The following ZBTB8B variants were observed in gnomAD, a reference collection of about 807,000 sequenced individuals.
The protein encoded by ZBTB8B is zinc finger and BTB domain containing 8B.
In ZBTB8B, 17 loss-of-function variants were observed where a neutral mutation model predicts 30.3. The ratio of observed to expected loss-of-function variants is 0.56; its 90% CI spans 0.38 to 0.84. The LOEUF (loss-of-function observed/expected upper bound fraction) is 0.84. Ranked by LOEUF, ZBTB8B falls within the 40% of genes least tolerant of loss-of-function variation. The pLI, the probability that ZBTB8B is intolerant of heterozygous loss-of-function variation, is 0.00. For synonymous variants in ZBTB8B, 248 were observed against 255.6 expected (o/e 0.97, Z 0.28); for missense variants, 515 against 644.9 (o/e 0.80, Z 2.18).
chr1:32,474,233 G>T (rs939890109), intron 2 of ZBTB8B, among the ~76,000 whole-genome samples: 3 of 150,924 alleles, frequency 2.0e-5, no homozygotes, highest in African/African-American at 7.3e-5. Flanking sequence ...ATGGCCAGGT[G>T]CAGTGGCTCA....
At chr1:32,470,223 G>T (rs193223981) in intron 1 of ZBTB8B, among the ~76,000 whole-genome samples, 98 of 152,170 alleles carry the variant, frequency 6.4e-4, no homozygotes, top group African/African-American at 2.2e-3. Context: ...CTTATTGGCC[G>T]GGCGTGGTGG....
intron 1 of ZBTB8B, among the ~76,000 whole-genome samples, chr1:32,468,273 T>C (rs1643588626): frequency 6.6e-6 from 1 of 152,168 alleles, no homozygotes; most frequent in African/African-American, 2.4e-5. Flanking sequence ...TCATCTTTGT[T>C]AGGCTGACTT....
chr1:32,467,776 G>T (rs1458950482), intron 1 of ZBTB8B, among the ~76,000 whole-genome samples: 2 of 152,050 alleles, frequency 1.3e-5, no homozygotes, highest in Non-Finnish European at 2.9e-5. Context: ...CAAGGGTAGT[G>T]GAATCAGTCA....
Position 32,484,956 on chromosome 1 carries a change from T to C in ZBTB8B, c.1171-145T>C. 2.8e-6 allele frequency: 2 copies of C among 711,736 alleles called. No homozygotes were observed. The highest frequency in any genetic ancestry group is 4.7e-6 in the Non-Finnish European group (2 of 425,800). 44.1% of individuals were successfully genotyped at this position (711,736 alleles called of 1,614,324 possible). On this transcript the variant is annotated intron_variant, in intron 3 of 3. Coordinates refer to ENST00000609129, the MANE Select transcript of ZBTB8B (RefSeq NM_001145720.2). The surrounding 1 kb of genome is among the most constrained non-coding windows in gnomAD (Gnocchi z 4.5). ...TCTTTATAGCAGTGCAAGAACAGACTAATACAAAGACTGTGGCAGAGAATG... is the reference window on the plus strand; with the variant it reads ...TCTTTATAGCAGTGCAAGAACAGACCAATACAAAGACTGTGGCAGAGAATG...
At chr1:32,473,305 C>CAAAA (rs1202557658) in intron 2 of ZBTB8B, among the ~76,000 whole-genome samples, 14 of 119,754 alleles carry the variant, frequency 1.2e-4, no homozygotes, top group Admixed American at 2.7e-4. Context: ...GACTACTTCT[C>CAAAA]AAAAAAAAAA....
intron 2 of ZBTB8B, 148 bp from the exon 3 acceptor site, chr1:32,480,743 G>A: frequency 3.0e-6 from 2 of 664,364 alleles, no homozygotes; most frequent in Non-Finnish European, 5.0e-6. Flanking sequence ...TGCAGACGAT[G>A]TCTTGCTGTT....
chr1:32,471,234 G>GA lies in ZBTB8B; in HGVS notation c.612dup (p.Leu205ThrfsTer13). 6.4e-7 allele frequency: 1 copy of GA among 1,551,954 alleles called. No individual in the cohort carries two copies. The highest frequency in any genetic ancestry group is 8.7e-7 in the Non-Finnish European group (1 of 1,147,048). ...TGACTGCGGAGACTGCCACCCCTTG[G>GA]AACTGGTGGTGAGAGACAGCCTTGG... is the stretch of plus-strand genomic sequence containing the variant. On this transcript the variant is annotated frameshift_variant, in exon 2 of 4. Transcript: ENST00000609129. LOFTEE classifies it high-confidence loss of function.
chr1:32,480,840 G>A (rs1643698374), intron 2 of ZBTB8B, 51 bp from the exon 3 acceptor site: 2 of 1,491,004 alleles, frequency 1.3e-6, no homozygotes, highest in Non-Finnish European at 1.8e-6. Context: ...CGGGTAGCCA[G>A]GGTTGGTCAC....
intron 3 of ZBTB8B, among the ~76,000 whole-genome samples, chr1:32,483,691 T>G (rs914379686): frequency 8.6e-5 from 13 of 151,636 alleles, no homozygotes; most frequent in Non-Finnish European, 1.5e-4. Context: ...ACTTAAAGTA[T>G]ACTTTAATAA....
At chr1:32,478,958 C>T (rs563395713) in intron 2 of ZBTB8B, among the ~76,000 whole-genome samples, 4 of 152,312 alleles carry the variant, frequency 2.6e-5, no homozygotes, top group East Asian at 1.9e-4. Flanking sequence ...CTATGTGCCA[C>T]GTGCTATGCT....
chr1:32,466,186 A>G (rs937430509), intron 1 of ZBTB8B, among the ~76,000 whole-genome samples: 2 of 152,156 alleles, frequency 1.3e-5, no homozygotes, highest in African/African-American at 4.8e-5. Flanking sequence ...CTTGTCAGAA[A>G]GGGTCGGAGG....
Position 32,488,368 on chromosome 1 carries a change from T to C in ZBTB8B, c.*2950T>C, listed in dbSNP as rs1457989800. On this transcript the variant is annotated 3_prime_UTR_variant, in exon 4 of 4. Coordinates refer to ENST00000609129, the MANE Select transcript of ZBTB8B (RefSeq NM_001145720.2). ...ATTTTTGCTTTCTCTGTTTAAATTA[T>C]CTCTGATGTTTTAATGACTTTTCTA... is the stretch of plus-strand genomic sequence containing the variant. 1 of 152,272 alleles carries C rather than the reference T, an allele frequency of 6.6e-6. No individual in the cohort carries two copies. Among genetic ancestry groups the C allele is most frequent in the Non-Finnish European group, 1.5e-5 (1 of 68,052 alleles). The allele number at this position is 152,272 out of a possible 1,614,324, so 9.4% of individuals were successfully genotyped here.
At chr1:32,476,581 G>A (rs532486771) in intron 2 of ZBTB8B, among the ~76,000 whole-genome samples, 3 of 152,158 alleles carry the variant, frequency 2.0e-5, no homozygotes, top group African/African-American at 7.2e-5. Flanking sequence ...TGCCCAGAGG[G>A]ATCTTTTAAA....
At position 32,470,613 on chromosome 1, in the gene ZBTB8B, G is replaced by T; in HGVS notation, c.-12G>T. 6.5e-7 allele frequency: 1 copy of T among 1,541,284 alleles called. No homozygotes were observed. Among genetic ancestry groups the T allele is most frequent in the Non-Finnish European group, 8.8e-7 (1 of 1,139,524 alleles). On this transcript the variant is annotated 5_prime_UTR_variant, in exon 2 of 4. Transcript: ENST00000609129. ...ACAGGTTTGCTCTGGAGCAGCAGCA[G>T]CTGGCGGAGCAATGGAGATGCAATC...
At position 32,484,418 on chromosome 1, in the gene ZBTB8B, A is replaced by G. The variant is rs924443511; in HGVS notation, c.1171-683A>G. Reference sequence around the variant, plus strand: ...GCTAGGTGGAGGCCCTAACTGGCCTAGAGCATCAGGAAAGACCTCCTTCCA... The same window carrying G: ...GCTAGGTGGAGGCCCTAACTGGCCTGGAGCATCAGGAAAGACCTCCTTCCA... On this transcript the variant is annotated intron_variant, in intron 3 of 3. Coordinates refer to ENST00000609129, the MANE Select transcript of ZBTB8B (RefSeq NM_001145720.2). The surrounding 1 kb of genome is among the most constrained non-coding windows in gnomAD (Gnocchi z 4.5). 6.6e-6 allele frequency among the ~76,000 whole-genome samples: 1 copy of G among 152,134 alleles called. No homozygotes were observed. Among genetic ancestry groups the G allele is most frequent in the Admixed American group, 6.5e-5 (1 of 15,268 alleles).
rs561470406 is a variant in ZBTB8B at position 32,483,059 on chromosome 1, C to T, written c.1170+1990C>T. Among the ~76,000 whole-genome samples, 25 of 151,512 alleles carry T rather than the reference C, an allele frequency of 1.7e-4. No homozygotes were observed. In the South Asian group the frequency reaches 5.2e-3, roughly 32 times the overall value. On this transcript the variant is annotated intron_variant, in intron 3 of 3. Transcript: ENST00000609129. ...AGGCTGTGATTGGTTCACAGAGCCC[C>T]TATCGGCTGGAGTTCCTGAAAAGTG...
rs961192428 is a variant in ZBTB8B, at chr1:32,470,768, C to T, written c.144C>T (p.Tyr48=). The change falls in exon 2 of 4, where the codon TAC becomes TAT. Residue 48 remains tyrosine, a synonymous_variant. Transcript: ENST00000609129. ...HRNILFANSG[Y]FRALLIHYIQ... Reference sequence around the variant, plus strand: ...ACATTTTGTTTGCTAACAGCGGCTACTTCCGAGCCCTGCTCATTCACTATA... The same window carrying T: ...ACATTTTGTTTGCTAACAGCGGCTATTTCCGAGCCCTGCTCATTCACTATA... The T allele has an allele frequency of 1.3e-6, 2 of 1,551,780 alleles. No homozygotes were observed. Among genetic ancestry groups the T allele is most frequent in the Admixed American group, 3.9e-5 (2 of 51,000 alleles).
rs1269539707 is a variant in ZBTB8B at position 32,489,243 on chromosome 1, C to T, written c.*3825C>T. Reference sequence around the variant, plus strand: ...AATGTGGAAACTTAGAAAATTCTGACTCATTCATACACCCAGAATCGTTAC... The same window carrying T: ...AATGTGGAAACTTAGAAAATTCTGATTCATTCATACACCCAGAATCGTTAC... On this transcript the variant is annotated 3_prime_UTR_variant, in exon 4 of 4. Coordinates refer to ENST00000609129, the MANE Select transcript of ZBTB8B (RefSeq NM_001145720.2). 2 of 152,196 alleles carry T rather than the reference C, an allele frequency of 1.3e-5. No individual in the cohort carries two copies. The highest frequency in any genetic ancestry group is 3.8e-4 in the East Asian group (2 of 5,206). The allele number at this position is 152,196 out of a possible 1,614,324, so 9.4% of individuals were successfully genotyped here. A position where few individuals can be genotyped will look rare whatever the true frequency, so the allele number is the denominator to read the frequency against.
intron 1 of ZBTB8B, among the ~76,000 whole-genome samples, chr1:32,466,123 T>G (rs1161124149): frequency 1.3e-5 from 2 of 152,196 alleles, no homozygotes; most frequent in African/African-American, 4.8e-5. Flanking sequence ...TAATATTTAC[T>G]AAAATTGAGG....
Sources: gnomAD v4.1 joint callset for allele counts (sites outside exome capture counted in the v4.1 genomes callset) on GRCh38, gnomAD v4.1.1 for gene constraint, Gnocchi (gnomAD v3.1) non-coding constraint, MANE v1.5 for transcripts, NCBI Gene and HGNC (gene_info 2026-07-23, HGNC 2026-07-21) for gene names.